Variants in TRPM3 observed in about 807,000 individuals in gnomAD.
TRPM3 encodes the protein long transient receptor potential channel 3.
Under a neutral mutation model 181.2 loss-of-function variants are expected in TRPM3, and 77 were observed. That is an observed-to-expected ratio of 0.42 (90% CI 0.35 to 0.51). The LOEUF (loss-of-function observed/expected upper bound fraction) is 0.51, where lower values mean the gene tolerates loss of function less well. Ranked by LOEUF, TRPM3 falls within the 20% of genes least tolerant of loss-of-function variation. The pLI, the probability that TRPM3 is intolerant of heterozygous loss-of-function variation, is 0.01. For missense variants in TRPM3, 1,759 were observed against 2,196.7 expected (o/e 0.80, Z 3.98); for synonymous variants, 745 against 796.4 (o/e 0.94, Z 1.09).
At chr9:71,314,504 C>A (rs1209971698) in intron 1 of TRPM3, among the ~76,000 whole-genome samples, 5 of 151,996 alleles carry the variant, frequency 3.3e-5, no homozygotes, top group Non-Finnish European at 7.4e-5. Flanking sequence ...TCCCAAAAAG[C>A]ATATGGAAAG....
At chr9:70,561,338 G>T in intron 22 of TRPM3, among the ~76,000 whole-genome samples, 1 of 152,164 alleles carries the variant, frequency 6.6e-6, no homozygotes, top group East Asian at 1.9e-4. Context: ...CTGCCCTTTG[G>T]CCTTTTCCTG....
At chr9:70,914,202 C>T (rs2096567391) in intron 1 of TRPM3, among the ~76,000 whole-genome samples, 4 of 152,156 alleles carry the variant, frequency 2.6e-5, no homozygotes, top group Non-Finnish European at 5.9e-5. Flanking sequence ...TAGCATTCAT[C>T]CCTTTTTCTT....
intron 1 of TRPM3, among the ~76,000 whole-genome samples, chr9:71,302,910 T>A (rs1016868336): frequency 2.3e-4 from 35 of 151,790 alleles, no homozygotes; most frequent in Non-Finnish European, 4.0e-4. Flanking sequence ...TAGTGCTATG[T>A]CACTGAGAAA....
intron 1 of TRPM3, among the ~76,000 whole-genome samples, chr9:71,053,737 C>G (rs996081528): frequency 6.6e-6 from 1 of 152,120 alleles, no homozygotes; most frequent in Non-Finnish European, 1.5e-5. Context: ...CCTCACACTC[C>G]TTTGCCAGCA....
chr9:71,037,246 G>A (rs1316057537), intron 1 of TRPM3, among the ~76,000 whole-genome samples: 2 of 152,162 alleles, frequency 1.3e-5, no homozygotes, highest in African/African-American at 4.8e-5. Flanking sequence ...TTCAACATAT[G>A]GGTGCTTAGG....
chr9:70,771,096 C>T (rs1171392429), intron 7 of TRPM3, among the ~76,000 whole-genome samples: 1 of 152,138 alleles, frequency 6.6e-6, no homozygotes, highest in Admixed American at 6.6e-5. Context: ...GCCTTGAAAC[C>T]ATTACGCTCA....
intron 1 of TRPM3, among the ~76,000 whole-genome samples, chr9:71,179,546 G>C (rs1235353098): frequency 6.6e-6 from 1 of 152,148 alleles, no homozygotes; most frequent in African/African-American, 2.4e-5. Context: ...AATTTGGACA[G>C]TTTAGATAAT....
At position 70,784,380 on chromosome 9, in the gene TRPM3, A is replaced by G. The variant is rs2083127448; in HGVS notation, c.974-101T>C. On this transcript the variant is annotated intron_variant, in intron 6 of 25. Transcript: ENST00000677713. ...GAAACAAAAAGCACAAACTAAAATT[A>G]CTGAGCACGGGGGAGGTAGCAACAT... 8 of 1,291,718 alleles carry G rather than the reference A, an allele frequency of 6.2e-6. No individual in the cohort carries two copies. The South Asian group carries it at 1.3e-4, about 20-fold the overall frequency. The allele number at this position is 1,291,718 out of a possible 1,614,324, so 80.0% of individuals were successfully genotyped here. A position where few individuals can be genotyped will look rare whatever the true frequency, so the allele number is the denominator to read the frequency against.
Position 70,598,517 on chromosome 9 carries a change from T to C in TRPM3, c.2950A>G (p.Ile984Val). Residue 984 changes from isoleucine to valine, a missense_variant, in exon 21 of 26, where the codon ATC (isoleucine) becomes GTC (valine). By Grantham distance (29) the Ile-to-Val change is conservative. Around this residue, in one of 8 missense-constraint regions of TRPM3, gnomAD observed 100 missense variants for 123.0 expected, o/e 0.81. Transcript: ENST00000677713. ...DQPFRSDGRV[I>V]YCVNIIYWYI... is the part of the protein sequence containing the mutation. ...CAGTAAATGATGTTCACGCAGTAGA[T>C]GACCCTCCCGTCACTCCTGAAGGGC... is the stretch of plus-strand genomic sequence containing the variant. 1.2e-6 allele frequency: 2 copies of C among 1,614,228 alleles called. No individual in the cohort carries two copies. Among genetic ancestry groups the C allele is most frequent in the South Asian group, 2.2e-5 (2 of 91,090 alleles).
At chr9:70,867,284 C>A (rs900405183) in intron 1 of TRPM3, among the ~76,000 whole-genome samples, 2 of 152,026 alleles carry the variant, frequency 1.3e-5, no homozygotes, top group Non-Finnish European at 2.9e-5. Context: ...AGAATCTGTG[C>A]TGCAAAGACA....
chr9:71,144,518 G>T (rs10746858), intron 1 of TRPM3, among the ~76,000 whole-genome samples: 96,313 of 152,030 alleles, frequency 0.63, 32,810 homozygotes, highest in East Asian at 0.8. Context: ...TTTGGGACTT[G>T]GCTTAGGGGA....
chr9:70,938,286 C>A (rs2096849007), intron 1 of TRPM3, among the ~76,000 whole-genome samples: 1 of 152,120 alleles, frequency 6.6e-6, no homozygotes, highest in Non-Finnish European at 1.5e-5. Context: ...TTCTTCTATT[C>A]CCTTCTCAGT....
At chr9:71,151,148 T>G (rs1231411948) in intron 1 of TRPM3, among the ~76,000 whole-genome samples, 1 of 152,178 alleles carries the variant, frequency 6.6e-6, no homozygotes, top group East Asian at 1.9e-4. Context: ...GAAATATTCA[T>G]AAGTTGAATA....
intron 6 of TRPM3, among the ~76,000 whole-genome samples, chr9:70,794,645 T>C (rs536067178): frequency 3.3e-4 from 51 of 152,336 alleles, no homozygotes; most frequent in Non-Finnish European, 6.5e-4. Context: ...TCTCAGTTTC[T>C]GCTTTCTAGG....
chr9:70,906,906 A>G (rs548035041), intron 1 of TRPM3, among the ~76,000 whole-genome samples: 55 of 152,292 alleles, frequency 3.6e-4, no homozygotes, highest in Admixed American at 8.5e-4. Context: ...TCCATCTAGA[A>G]AAATAATAAT....
intron 22 of TRPM3, among the ~76,000 whole-genome samples, chr9:70,589,929 C>A (rs547142998): frequency 6.6e-6 from 1 of 152,098 alleles, no homozygotes; most frequent in Admixed American, 6.6e-5. Flanking sequence ...TCAGTCCTAC[C>A]GGGGATGGGC....
At chr9:70,648,128 C>T (rs143569257) in intron 9 of TRPM3, among the ~76,000 whole-genome samples, 59 of 152,248 alleles carry the variant, frequency 3.9e-4, no homozygotes, top group African/African-American at 1.0e-3. Flanking sequence ...CTCAAAGCAA[C>T]GTGCAGATTC....
At chr9:70,772,554 C>T (rs1281605059) in intron 7 of TRPM3, among the ~76,000 whole-genome samples, 1 of 152,108 alleles carries the variant, frequency 6.6e-6, no homozygotes, top group East Asian at 1.9e-4. Context: ...AACTCCTGAG[C>T]TCAAGGGATC....
At chr9:70,825,011 G>A (rs1387421618) in intron 6 of TRPM3, 1 of 152,204 alleles carries the variant, frequency 6.6e-6, no homozygotes, top group Non-Finnish European at 1.5e-5. Context: ...CCTCTAAGGA[G>A]CTTGCTGCTC....
Sources: gnomAD v4.1 joint callset for allele counts (sites outside exome capture counted in the v4.1 genomes callset) on GRCh38, gnomAD v4.1.1 for gene constraint, gnomAD v4.1.1 regional missense constraint, MANE v1.5 for transcripts, NCBI Gene and HGNC (gene_info 2026-07-23, HGNC 2026-07-21) for gene names.